OPRD1: variants seen among roughly 807,000 people sequenced by gnomAD.
OPRD1 encodes the protein delta-type opioid receptor.
OPRD1 carries 19 observed loss-of-function variants against 17.5 expected under a neutral mutation model. The ratio of observed to expected loss-of-function variants is 1.09; its 90% CI spans 0.76 to 1.60. The LOEUF (loss-of-function observed/expected upper bound fraction) is 1.60. Among genes scored for constraint, OPRD1 ranks in the 40% most tolerant of loss-of-function variants. The pLI, the probability that OPRD1 is intolerant of heterozygous loss-of-function variation, is 0.00. For synonymous variants in OPRD1, 256 were observed against 240.9 expected (o/e 1.06, Z -0.58); for missense variants, 483 against 547.2 (o/e 0.88, Z 1.17).
chr1:28,836,258 G>A (rs926524602), intron 1 of OPRD1, among the ~76,000 whole-genome samples: 5 of 152,162 alleles, frequency 3.3e-5, no homozygotes, highest in Non-Finnish European at 7.3e-5. Context: ...GCTCACGTCT[G>A]TAATCCCAGC....
At chr1:28,850,783 AAAT>A (rs144560328) in intron 1 of OPRD1, among the ~76,000 whole-genome samples, 18,007 of 135,664 alleles carry the variant, frequency 0.13, 1,260 homozygotes, top group East Asian at 0.19. Context: ...ATCTGTCTCA[AAAT>A]AATAATAATA....
intron 1 of OPRD1, among the ~76,000 whole-genome samples, chr1:28,813,102 C>T (rs890791020): frequency 2.0e-5 from 3 of 152,186 alleles, no homozygotes; most frequent in Non-Finnish European, 2.9e-5. Flanking sequence ...GGGGCCCTTA[C>T]CAAGTCATAT....
At chr1:28,853,844 T>A (rs2089030998) in intron 1 of OPRD1, among the ~76,000 whole-genome samples, 1 of 151,006 alleles carries the variant, frequency 6.6e-6, no homozygotes, top group African/African-American at 2.4e-5. Flanking sequence ...CGGGTTCAGG[T>A]GATTCTCCTG....
intron 1 of OPRD1, among the ~76,000 whole-genome samples, chr1:28,853,637 G>A (rs1438844779): frequency 6.6e-6 from 1 of 152,180 alleles, no homozygotes; most frequent in African/African-American, 2.4e-5. Flanking sequence ...ACAGGACAGA[G>A]GAATAAGAGA....
chr1:28,846,426 CAG>C (rs1444567864), intron 1 of OPRD1, among the ~76,000 whole-genome samples: 1 of 120,894 alleles, frequency 8.3e-6, no homozygotes, highest in Admixed American at 8.5e-5. Context: ...CCTCACATGG[CAG>C]AGAGAAAGAG....
At chr1:28,861,006 TCA>T (rs533745331) in intron 2 of OPRD1, among the ~76,000 whole-genome samples, 3 of 152,240 alleles carry the variant, frequency 2.0e-5, no homozygotes, top group South Asian at 4.1e-4. Context: ...CCACAATCCC[TCA>T]CACACACACT....
Position 28,863,179 on chromosome 1 carries a change from C to T in OPRD1, c.1015C>T (p.Arg339Cys), listed in dbSNP as rs773326863. The change falls in exon 3 of 3, where the codon CGC (arginine) becomes TGC (cysteine). Residue 339 changes from arginine (R) to cysteine (C), a missense_variant. Transcript: ENST00000234961. Reference sequence around the variant, plus strand: ...CCAGCTCTGCCGCAAGCCCTGCGGCCGCCCAGACCCCAGCAGCTTCAGCCG... The same window carrying T: ...CCAGCTCTGCCGCAAGCCCTGCGGCTGCCCAGACCCCAGCAGCTTCAGCCG... ...FRQLCRKPCGRPDPSSFSRAR... is the reference protein window; with the variant it reads ...FRQLCRKPCGCPDPSSFSRAR... The T allele has an allele frequency of 1.9e-6, 3 of 1,598,404 alleles. No individual in the cohort carries two copies. Among genetic ancestry groups the T allele is most frequent in the Middle Eastern group, 1.7e-4 (1 of 6,046 alleles).
intron 1 of OPRD1, among the ~76,000 whole-genome samples, chr1:28,845,768 A>G (rs1216882437): frequency 6.7e-6 from 1 of 149,794 alleles, no homozygotes; most frequent in Non-Finnish European, 1.5e-5. Flanking sequence ...GAAAGGCCCA[A>G]CTTCATATCC....
In OPRD1 at chr1:28,862,888, A is replaced by C; in HGVS notation, c.724A>C (p.Ser242Arg). ...TGGCCTCATGCTGCTGCGCCTGCGC[A>C]GTGTGCGCCTGCTGTCGGGCTCCAA... Reference protein sequence around the residue: ...CYGLMLLRLRSVRLLSGSKEK... With the variant: ...CYGLMLLRLRRVRLLSGSKEK... The change falls in exon 3 of 3, where the codon AGT becomes CGT. Residue 242 changes from serine to arginine, a missense_variant. Ser to Arg is a moderately radical substitution (Grantham distance 110, BLOSUM62 -1). Transcript: ENST00000234961. 6.2e-7 allele frequency: 1 copy of C among 1,612,592 alleles called. No homozygotes were observed. Among genetic ancestry groups the C allele is most frequent in the Non-Finnish European group, 8.5e-7 (1 of 1,180,016 alleles).
intron 1 of OPRD1, among the ~76,000 whole-genome samples, chr1:28,816,552 ATCCTGGGGGCCTGAGAGGGGCC>A (rs2088672184): frequency 6.6e-6 from 1 of 152,096 alleles, no homozygotes; most frequent in African/African-American, 2.4e-5. Context: ...AAGCTGTCTC[ATCCTGGGGGCCTGAGAGGGGCC>A]TCTGGGAATT....
At chr1:28,834,128 T>C (rs2088830076) in intron 1 of OPRD1, among the ~76,000 whole-genome samples, 1 of 152,100 alleles carries the variant, frequency 6.6e-6, no homozygotes, top group African/African-American at 2.4e-5. Context: ...GCCAGTTTGG[T>C]ATCGAACTCC....
intron 1 of OPRD1, among the ~76,000 whole-genome samples, chr1:28,843,897 A>G (rs1396280609): frequency 6.6e-6 from 1 of 152,156 alleles, no homozygotes; most frequent in Non-Finnish European, 1.5e-5. Context: ...TTCTCCATCT[A>G]TCAATGGATA....
chr1:28,846,962 CTCTT>C (rs2088958749), intron 1 of OPRD1, among the ~76,000 whole-genome samples: 1 of 143,168 alleles, frequency 7.0e-6, no homozygotes, highest in South Asian at 2.2e-4. Flanking sequence ...TTCTCTTTCT[CTCTT>C]TCTTCCTTCC....
intron 1 of OPRD1, among the ~76,000 whole-genome samples, chr1:28,822,240 C>T (rs1175372362): frequency 1.3e-5 from 2 of 151,986 alleles, no homozygotes; most frequent in Non-Finnish European, 2.9e-5. Context: ...TGAGCCACCG[C>T]GCCCTGCTAT....
intron 1 of OPRD1, among the ~76,000 whole-genome samples, chr1:28,843,143 G>T (rs140978867): frequency 5.5e-4 from 84 of 152,192 alleles, no homozygotes; most frequent in African/African-American, 2.0e-3. Flanking sequence ...GAAGTGACTT[G>T]CTCAAGATCA....
At chr1:28,834,235 A>G (rs2088831162) in intron 1 of OPRD1, among the ~76,000 whole-genome samples, 1 of 151,768 alleles carries the variant, frequency 6.6e-6, no homozygotes, top group Non-Finnish European at 1.5e-5. Flanking sequence ...TCCCCATGAC[A>G]GTGCTGCTGC....
intron 1 of OPRD1, among the ~76,000 whole-genome samples, chr1:28,849,049 G>T (rs1489941089): frequency 6.6e-6 from 1 of 152,134 alleles, no homozygotes; most frequent in Non-Finnish European, 1.5e-5. Context: ...TAACATGGAG[G>T]AAGTCTGGAC....
chr1:28,860,980 G>T (rs1324983616), intron 2 of OPRD1, among the ~76,000 whole-genome samples: 2 of 152,178 alleles, frequency 1.3e-5, no homozygotes, highest in African/African-American at 4.8e-5. Flanking sequence ...GGCTGGACCA[G>T]ATGGGCCTCC....
intron 1 of OPRD1, among the ~76,000 whole-genome samples, chr1:28,842,339 G>C (rs2088902950): frequency 6.6e-6 from 1 of 152,200 alleles, no homozygotes; most frequent in Non-Finnish European, 1.5e-5. Context: ...TGAGCACCGG[G>C]CATTTAGACG....
Sources: allele counts gnomAD v4.1 joint callset (sites outside exome capture counted in the v4.1 genomes callset), GRCh38; gene constraint gnomAD v4.1.1; transcripts MANE v1.5; gene names NCBI Gene and HGNC (gene_info 2026-07-23, HGNC 2026-07-21).